Variants in CGNL1 observed in about 807,000 individuals in gnomAD.
CGNL1 encodes the protein cingulin like 1.
In CGNL1, 132 loss-of-function variants were observed where a neutral mutation model predicts 141.2. The ratio of observed to expected loss-of-function variants is 0.93; its 90% CI spans 0.81 to 1.08. The LOEUF (loss-of-function observed/expected upper bound fraction) is 1.08, where lower values mean the gene tolerates loss of function less well. Among genes scored for constraint, CGNL1 ranks in the 50% least tolerant of loss-of-function variants. CGNL1 has a pLI of 0.00. For synonymous variants in CGNL1, 690 were observed against 622.1 expected (o/e 1.11, Z -1.63); for missense variants, 1,870 against 1,588.6 (o/e 1.18, Z -3.01).
intron 8 of CGNL1, among the ~76,000 whole-genome samples, chr15:57,500,916 G>C (rs949440033): frequency 3.3e-5 from 5 of 152,192 alleles, no homozygotes; most frequent in Admixed American, 6.5e-5. Flanking sequence ...ATGAATTGAG[G>C]CTAGGTTCTC....
At chr15:57,487,739 C>G (rs1269783357) in intron 8 of CGNL1, among the ~76,000 whole-genome samples, 4 of 152,118 alleles carry the variant, frequency 2.6e-5, no homozygotes, top group Non-Finnish European at 4.4e-5. Context: ...TCTTAATGTA[C>G]AGATCTGAGA....
intron 8 of CGNL1, among the ~76,000 whole-genome samples, chr15:57,486,361 G>A (rs543934723): frequency 2.6e-5 from 4 of 152,090 alleles, no homozygotes; most frequent in South Asian, 4.1e-4. Flanking sequence ...GGAAGAGGTC[G>A]TGGGGGGAAA....
chr15:57,479,714 C>G (rs1168872715), intron 8 of CGNL1, among the ~76,000 whole-genome samples: 1 of 151,978 alleles, frequency 6.6e-6, no homozygotes, highest in Non-Finnish European at 1.5e-5. Flanking sequence ...TTTGAAGAAA[C>G]TTCTCAAGAA....
chr15:57,435,466 C>G (rs547958813), intron 1 of CGNL1, among the ~76,000 whole-genome samples: 7 of 143,010 alleles, frequency 4.9e-5, no homozygotes, highest in African/African-American at 1.8e-4. Context: ...GGAAGGGAAG[C>G]TGAAGAATGT....
chr15:57,451,478 A>T (rs574041912), intron 4 of CGNL1, 22 bp from the exon 5 acceptor site: 9 of 1,509,706 alleles, frequency 6.0e-6, no homozygotes, highest in Non-Finnish European at 7.3e-6. Context: ...TTAAATTAGT[A>T]TATCTTTGCA....
intron 10 of CGNL1, among the ~76,000 whole-genome samples, chr15:57,519,888 A>G (rs1340228605): frequency 6.6e-5 from 10 of 152,206 alleles, no homozygotes; most frequent in South Asian, 2.1e-4. Flanking sequence ...TCAAACAGGA[A>G]CTTTTCACAC....
At chr15:57,391,957 C>A (rs1389696239) in intron 1 of CGNL1, among the ~76,000 whole-genome samples, 2 of 120,514 alleles carry the variant, frequency 1.7e-5, no homozygotes, top group Admixed American at 9.3e-5. Context: ...AAAATAAACA[C>A]CTTCACATTT....
chr15:57,393,396 C>T (rs1433818328), intron 1 of CGNL1, among the ~76,000 whole-genome samples: 1 of 152,152 alleles, frequency 6.6e-6, no homozygotes, highest in Admixed American at 6.5e-5. Flanking sequence ...GCCTCCTCTG[C>T]TGCAGGGTGA....
chr15:57,516,905 G>C lies in CGNL1; in HGVS notation c.2529G>C (p.Arg843=). ...AGGGAAGAAGCGAAGAGCTGGAGCGGAGAGTTGCTCAGCTTCAAAGGCAGA... is the reference window on the plus strand; with the variant it reads ...AGGGAAGAAGCGAAGAGCTGGAGCGCAGAGTTGCTCAGCTTCAAAGGCAGA... ...KLQGRSEELE[R]RVAQLQRQIE... Residue 843 remains arginine, a synonymous_variant, in exon 9 of 19, where the codon CGG becomes CGC. Transcript: ENST00000281282. 6.2e-7 allele frequency: 1 copy of C among 1,613,570 alleles called. No individual in the cohort carries two copies. Among genetic ancestry groups the C allele is most frequent in the South Asian group, 1.1e-5 (1 of 91,076 alleles).
At chr15:57,518,268 G>A in intron 9 of CGNL1, 125 bp from the exon 10 acceptor site, 1 of 685,790 alleles carries the variant, frequency 1.5e-6, no homozygotes, top group South Asian at 1.8e-5. Context: ...GTCTGTGACA[G>A]GTGCATTGTG....
intron 8 of CGNL1, among the ~76,000 whole-genome samples, chr15:57,510,736 C>G (rs889549136): frequency 6.6e-6 from 1 of 152,226 alleles, no homozygotes; most frequent in African/African-American, 2.4e-5. Flanking sequence ...CTGGACTTCT[C>G]TGCCTTAGGG....
intron 7 of CGNL1, among the ~76,000 whole-genome samples, chr15:57,454,966 AAT>A (rs1345490278): frequency 6.6e-6 from 1 of 152,148 alleles, no homozygotes; most frequent in Non-Finnish European, 1.5e-5. Context: ...TTATTTCTAT[AAT>A]CTCTGTTTGC....
chr15:57,475,571 G>A (rs2063644745), intron 8 of CGNL1, among the ~76,000 whole-genome samples: 1 of 151,598 alleles, frequency 6.6e-6, no homozygotes, highest in Non-Finnish European at 1.5e-5. Context: ...AATGCCTGCT[G>A]TGCAACCCCA....
chr15:57,418,752 G>A (rs1595683129), intron 1 of CGNL1, among the ~76,000 whole-genome samples: 1 of 152,284 alleles, frequency 6.6e-6, no homozygotes. Context: ...TGTTCTTCCT[G>A]GCAGAAGAAG....
At chr15:57,378,595 C>T (rs1271189914) in intron 1 of CGNL1, among the ~76,000 whole-genome samples, 1 of 151,850 alleles carries the variant, frequency 6.6e-6, no homozygotes, top group Non-Finnish European at 1.5e-5. Flanking sequence ...GTTGTCCAGG[C>T]TGTTCTCAAA....
intron 1 of CGNL1, among the ~76,000 whole-genome samples, chr15:57,385,880 G>A (rs1313682628): frequency 1.3e-5 from 2 of 152,184 alleles, no homozygotes; most frequent in East Asian, 1.9e-4. Context: ...AGTCCCCCAC[G>A]GGAATTATCT....
chr15:57,408,609 C>G (rs1486042862), intron 1 of CGNL1, among the ~76,000 whole-genome samples: 6 of 152,058 alleles, frequency 3.9e-5, no homozygotes, highest in African/African-American at 1.4e-4. Context: ...TGGCCTCAAG[C>G]AGTCCTTCCA....
At chr15:57,425,845 A>G (rs1009292162) in intron 1 of CGNL1, among the ~76,000 whole-genome samples, 1 of 152,008 alleles carries the variant, frequency 6.6e-6, no homozygotes, top group Non-Finnish European at 1.5e-5. Context: ...TATAATTAAA[A>G]CTTCAATTTT....
At chr15:57,527,047 G>A (rs2031657461) in intron 12 of CGNL1, 1 of 152,158 alleles carries the variant, frequency 6.6e-6, no homozygotes, top group Non-Finnish European at 1.5e-5. Flanking sequence ...CTGAGTCATA[G>A]AGCGTTTTTG....
Sources: gnomAD v4.1 joint callset for allele counts (sites outside exome capture counted in the v4.1 genomes callset) on GRCh38, gnomAD v4.1.1 for gene constraint, MANE v1.5 for transcripts, NCBI Gene and HGNC (gene_info 2026-07-23, HGNC 2026-07-21) for gene names.